The following RASSF6 variants were observed in gnomAD, a reference collection of about 807,000 sequenced individuals.
The protein encoded by RASSF6 is ras association domain-containing protein 6.
RASSF6 carries 52 observed loss-of-function variants against 44.0 expected under a neutral mutation model. The ratio of observed to expected loss-of-function variants is 1.18; its 90% CI spans 0.95 to 1.49. The LOEUF is 1.49. RASSF6 is among the 40% of genes most tolerant of loss of function. The pLI, the probability that RASSF6 is intolerant of heterozygous loss-of-function variation, is 0.00. For synonymous variants in RASSF6, 162 were observed against 124.6 expected, an observed-to-expected ratio of 1.30 and a Z score of -2.00; for missense variants, 464 against 393.3, an observed-to-expected ratio of 1.18 and a Z score of -1.52.
intron 1 of RASSF6, chr4:73,615,915 G>A: frequency 6.5e-7 from 1 of 1,550,368 alleles, no homozygotes; most frequent in Non-Finnish European, 8.7e-7. Flanking sequence ...CCAGAATGAG[G>A]CCAGAGGACA....
rs147672137 is a variant in RASSF6 at position 73,581,071 on chromosome 4, A to G, written c.721+746T>C. Among the ~76,000 whole-genome samples the G allele has an allele frequency of 2.9e-3, 421 of 143,356 alleles. 2 individuals are homozygous for G. Among genetic ancestry groups the G allele is most frequent in the African/African-American group, 0.011 (410 of 38,904 alleles). 94.0% of individuals were successfully genotyped at this position (143,356 alleles called of 152,430 possible). ...TCAATTATAAGAACTTTAATTTTAT[A>G]TATGTTTAGAGATACAGCTTTCATT... On this transcript the variant is annotated intron_variant, in intron 8 of 10. Transcript: ENST00000307439.
intron 6 of RASSF6, among the ~76,000 whole-genome samples, chr4:73,584,624 T>C (rs1302599230): frequency 6.6e-6 from 1 of 152,176 alleles, no homozygotes; most frequent in Non-Finnish European, 1.5e-5. Context: ...TGTGGCTTTT[T>C]CCTTTTATTT....
At chr4:73,605,786 A>AT (rs1486995588) in intron 2 of RASSF6, among the ~76,000 whole-genome samples, 1 of 152,046 alleles carries the variant, frequency 6.6e-6, no homozygotes, top group East Asian at 1.9e-4. Flanking sequence ...AACATATGTT[A>AT]TTTTTTGACT....
rs554013281 is a variant in RASSF6 at position 73,579,785 on chromosome 4, TTTTC to T, written c.721+2028_721+2031del. Among the ~76,000 whole-genome samples the T allele has an allele frequency of 7.7e-3, 1,174 of 152,146 alleles. 2 individuals carry two copies. The highest frequency in any genetic ancestry group is 0.01 in the Non-Finnish European group (699 of 67,996). Reference sequence around the variant, plus strand: ...CTACCATTTATTTTATATCTTTTGGTTTTCTTTCTTTCCTAAACAACTAGAATAT... The same window carrying T: ...CTACCATTTATTTTATATCTTTTGGTTTTCTTTCCTAAACAACTAGAATAT... On this transcript the variant is annotated intron_variant, in intron 8 of 10. Coordinates refer to ENST00000307439, the MANE Select transcript of RASSF6 (RefSeq NM_177532.5).
Position 73,604,879 on chromosome 4 carries a change from T to C in RASSF6, c.66-6161A>G, listed in dbSNP as rs945631244. Among the ~76,000 whole-genome samples the C allele has an allele frequency of 5.4e-5, 7 of 130,486 alleles. No individual in the cohort carries two copies. In the East Asian group the frequency reaches 1.4e-3, roughly 27 times the overall value. The allele number at this position is 130,486 out of a possible 152,430, so 85.6% of individuals were successfully genotyped here. ...ATTCTATATACCTTATAAATCATTTTCTTTCTTTTTTTTTTTTTTTGTTTT... is the reference window on the plus strand; with the variant it reads ...ATTCTATATACCTTATAAATCATTTCCTTTCTTTTTTTTTTTTTTTGTTTT... On this transcript the variant is annotated intron_variant, in intron 2 of 10. Transcript: ENST00000307439.
chr4:73,591,523 G>A (rs548610760), intron 4 of RASSF6, among the ~76,000 whole-genome samples: 7 of 152,304 alleles, frequency 4.6e-5, no homozygotes, highest in Non-Finnish European at 1.0e-4. Flanking sequence ...ATCTTGTACA[G>A]TTTTCGGAAA....
intron 2 of RASSF6, among the ~76,000 whole-genome samples, chr4:73,610,197 C>T (rs1276036378): frequency 6.6e-6 from 1 of 152,164 alleles, no homozygotes; most frequent in African/African-American, 2.4e-5. Context: ...TATTCTCTTT[C>T]TCTCACACCC....
intron 1 of RASSF6, among the ~76,000 whole-genome samples, chr4:73,616,135 T>C (rs1265569994): frequency 6.6e-6 from 1 of 152,222 alleles, no homozygotes; most frequent in Non-Finnish European, 1.5e-5. Context: ...TCTATATCTA[T>C]AGCCTCTTAT....
At chr4:73,611,546 T>C (rs1043457265) in intron 2 of RASSF6, among the ~76,000 whole-genome samples, 185 bp downstream of exon 2, 4 of 152,094 alleles carry the variant, frequency 2.6e-5, no homozygotes, top group Non-Finnish European at 4.4e-5. Context: ...ATATTAGTGA[T>C]TGTTCCATGA....
At chr4:73,595,503 T>C (rs182475824) in intron 3 of RASSF6, among the ~76,000 whole-genome samples, 111 of 152,292 alleles carry the variant, frequency 7.3e-4, no homozygotes, top group African/African-American at 2.5e-3. Context: ...CTGACCTGAA[T>C]AACTTTTGTA....
At position 73,576,047 on chromosome 4, in the gene RASSF6, T is replaced by A; in HGVS notation, c.*188A>T. The A allele has an allele frequency of 2.2e-6, 1 of 451,446 alleles. No homozygotes were observed. The highest frequency in any genetic ancestry group is 3.9e-6 in the Non-Finnish European group (1 of 255,462). The allele number at this position is 451,446 out of a possible 1,614,324, so 28.0% of individuals were successfully genotyped here. ...GTTACTGAAACTAAACTCAAACTCATTTTGTCCAACTGTGAACCCTAATTA... is the reference window on the plus strand; with the variant it reads ...GTTACTGAAACTAAACTCAAACTCAATTTGTCCAACTGTGAACCCTAATTA... On this transcript the variant is annotated 3_prime_UTR_variant, in exon 11 of 11. Transcript: ENST00000307439.
intron 1 of RASSF6, among the ~76,000 whole-genome samples, chr4:73,612,160 T>C (rs1157588726): frequency 6.6e-6 from 1 of 152,176 alleles, no homozygotes; most frequent in Non-Finnish European, 1.5e-5. Flanking sequence ...CCAAACTGGC[T>C]GAACCTTGCC....
Position 73,620,355 on chromosome 4 carries a change from T to C in RASSF6, c.-102A>G. The C allele has an allele frequency of 6.7e-7, 1 of 1,496,920 alleles. No homozygotes were observed. The highest frequency in any genetic ancestry group is 8.9e-7 in the Non-Finnish European group (1 of 1,127,292). The allele number at this position is 1,496,920 out of a possible 1,614,324, so 92.7% of individuals were successfully genotyped here. On this transcript the variant is annotated 5_prime_UTR_variant, in exon 1 of 11. Coordinates refer to ENST00000307439, the MANE Select transcript of RASSF6 (RefSeq NM_177532.5). ...TTGTTCGGCTGAACTTGCTTCGCGGTTTGTTCTCGGCTGGGTCAGGAACTC... is the reference window on the plus strand; with the variant it reads ...TTGTTCGGCTGAACTTGCTTCGCGGCTTGTTCTCGGCTGGGTCAGGAACTC...
At chr4:73,598,819 T>C in intron 2 of RASSF6, 101 bp from the exon 3 acceptor site, 1 of 538,212 alleles carries the variant, frequency 1.9e-6, no homozygotes, top group Non-Finnish European at 3.2e-6. Context: ...AGAAATAGTT[T>C]AATGGAATCT....
chr4:73,590,612 G>A (rs999481186), intron 4 of RASSF6, among the ~76,000 whole-genome samples: 3 of 152,156 alleles, frequency 2.0e-5, no homozygotes, highest in Admixed American at 6.5e-5. Context: ...CCCCATTAGC[G>A]AACCAGAAAC....
At chr4:73,620,461 G>T, upstream of RASSF6, 2 of 1,547,156 alleles carry the variant, frequency 1.3e-6, no homozygotes, top group Non-Finnish European at 1.7e-6. Flanking sequence ...TCCGAGGCCC[G>T]CGCGGGCGCA....
intron 8 of RASSF6, among the ~76,000 whole-genome samples, chr4:73,577,611 C>T (rs1288222363): frequency 2.0e-5 from 3 of 152,134 alleles, no homozygotes; most frequent in South Asian, 2.1e-4. Context: ...AGTGATATTA[C>T]CCATTCCTGT....
chr4:73,611,727 T>C lies in RASSF6; in HGVS notation c.65+4A>G, dbSNP rs1334655549. On this transcript the variant is annotated splice_donor_region_variant and intron_variant, in intron 2 of 10. Transcript: ENST00000307439. ...ACAATGTATAATATAAGGTGTGTGG[T>C]TACCTGGTTATGAATGTCTTCTCAT... 1.3e-6 allele frequency: 2 copies of C among 1,585,216 alleles called. No homozygotes were observed. Among genetic ancestry groups the C allele is most frequent in the African/African-American group, 2.7e-5 (2 of 74,360 alleles).
intron 2 of RASSF6, among the ~76,000 whole-genome samples, chr4:73,610,003 G>A (rs1304488187): frequency 1.3e-5 from 2 of 152,120 alleles, no homozygotes; most frequent in Admixed American, 1.3e-4. Context: ...GTCAGAAGCA[G>A]GTGGTCCATG....
Sources: allele counts gnomAD v4.1 joint callset (sites outside exome capture counted in the v4.1 genomes callset), GRCh38; gene constraint gnomAD v4.1.1; transcripts MANE v1.5; gene names NCBI Gene and HGNC (gene_info 2026-07-23, HGNC 2026-07-21).